The following CELF2 variants were observed in gnomAD, a reference collection of about 807,000 sequenced individuals.
The protein encoded by CELF2 is CUGBP Elav-like family member 2.
A neutral mutation model predicts 62.6 loss-of-function variants in CELF2; 8 were observed. The ratio of observed to expected loss-of-function variants is 0.13; its 90% CI spans 0.07 to 0.23. The LOEUF (loss-of-function observed/expected upper bound fraction) is 0.23, where lower values mean the gene tolerates loss of function less well. Ranked by LOEUF, CELF2 falls within the 10% of genes least tolerant of loss-of-function variation. CELF2 has a pLI of 1.00. For synonymous variants in CELF2, 258 were observed against 250.0 expected (o/e 1.03, Z -0.30); for missense variants, 333 against 671.0 (o/e 0.50, Z 5.56).
intron 1 of CELF2, among the ~76,000 whole-genome samples, chr10:10,813,813 C>T (rs552043624): frequency 2.6e-5 from 4 of 152,316 alleles, no homozygotes; most frequent in African/African-American, 9.6e-5. Context: ...GGTTTGCTAA[C>T]TCCATTGAGT....
chr10:10,651,339 C>T, the CELF2 span, among the ~76,000 whole-genome samples: 3 of 148,438 alleles, frequency 2.0e-5, no homozygotes, highest in East Asian at 1.9e-4. Context: ...AACAAAGCAG[C>T]GGGGAAGCTC....
chr10:10,548,123 A>G, the CELF2 span, among the ~76,000 whole-genome samples: 1 of 152,256 alleles, frequency 6.6e-6, no homozygotes, highest in Non-Finnish European at 1.5e-5. Context: ...TGGCTCTGGC[A>G]CTAATGAGGA....
At chr10:10,998,789 G>T (rs2054228653) in intron 2 of CELF2, among the ~76,000 whole-genome samples, 1 of 152,098 alleles carries the variant, frequency 6.6e-6, no homozygotes, top group South Asian at 2.1e-4. Flanking sequence ...TCTGATTCTT[G>T]TTCCTGGCCT....
Position 11,227,732 on chromosome 10 carries a change from T to C in CELF2, c.354+10225T>C, listed in dbSNP as rs550482891. On this transcript the variant is annotated intron_variant, in intron 3 of 12. Coordinates refer to ENST00000633077, the MANE Select transcript of CELF2 (RefSeq NM_001326342.2). The surrounding 1 kb of genome is among the most constrained non-coding windows in gnomAD (Gnocchi z 4.8). ...CATGGTGGCCTCTGGCAGCTTGGGTTAGACCAGGTGGTTATTTGCCACCTG... is the reference window on the plus strand; with the variant it reads ...CATGGTGGCCTCTGGCAGCTTGGGTCAGACCAGGTGGTTATTTGCCACCTG... Among the ~76,000 whole-genome samples, 10 of 152,348 alleles carry C rather than the reference T, an allele frequency of 6.6e-5. No individual in the cohort carries two copies. Among genetic ancestry groups the C allele is most frequent in the Admixed American group, 1.3e-4 (2 of 15,308 alleles).
the CELF2 span, among the ~76,000 whole-genome samples, chr10:10,610,506 C>T: frequency 6.6e-6 from 1 of 152,120 alleles, no homozygotes; most frequent in Non-Finnish European, 1.5e-5. Flanking sequence ...TTTGATGGTT[C>T]ATTTAAAATG....
At chr10:11,282,761 C>T (rs1296895678) in intron 8 of CELF2, among the ~76,000 whole-genome samples, 1 of 152,232 alleles carries the variant, frequency 6.6e-6, no homozygotes, top group Non-Finnish European at 1.5e-5. Context: ...GTAAGTGAGG[C>T]AGAGCCAGCT....
intron 1 of CELF2, among the ~76,000 whole-genome samples, chr10:10,813,544 G>A (rs1040278421): frequency 6.6e-6 from 1 of 152,194 alleles, no homozygotes; most frequent in African/African-American, 2.4e-5. Flanking sequence ...TGTAATGCCG[G>A]CTCTGAGACT....
chr10:10,593,682 A>G, the CELF2 span, among the ~76,000 whole-genome samples: 7 of 152,236 alleles, frequency 4.6e-5, no homozygotes, highest in Admixed American at 4.6e-4. Flanking sequence ...ACACTATTTT[A>G]GGCTTTAAAC....
intron 8 of CELF2, among the ~76,000 whole-genome samples, chr10:11,276,283 C>T (rs2086099098): frequency 6.6e-6 from 1 of 152,030 alleles, no homozygotes; most frequent in South Asian, 2.1e-4. Context: ...TCTTCCTTGG[C>T]CTGTAGTAAA....
At chr10:11,193,684 G>A (rs894535643) in intron 2 of CELF2, among the ~76,000 whole-genome samples, 1 of 152,200 alleles carries the variant, frequency 6.6e-6, no homozygotes, top group Admixed American at 6.5e-5. Context: ...CCATTGAGGG[G>A]CCAATATAGG....
chr10:11,097,054 T>C (rs1467694205), intron 1 of CELF2, among the ~76,000 whole-genome samples: 1 of 152,186 alleles, frequency 6.6e-6, no homozygotes, highest in Non-Finnish European at 1.5e-5. Flanking sequence ...TCAGAAAATG[T>C]GGCTGGAGGA....
chr10:11,173,723 G>A (rs1236980355), intron 2 of CELF2, among the ~76,000 whole-genome samples: 1 of 152,084 alleles, frequency 6.6e-6, no homozygotes, highest in African/African-American at 2.4e-5. Context: ...TCTAATATTG[G>A]GTGGGCCAAA....
At chr10:10,968,853 C>A (rs1335889913) in intron 2 of CELF2, among the ~76,000 whole-genome samples, 1 of 152,030 alleles carries the variant, frequency 6.6e-6, no homozygotes, top group Non-Finnish European at 1.5e-5. Context: ...AGTTGTTATT[C>A]ATGATGTTTA....
the CELF2 span, among the ~76,000 whole-genome samples, chr10:10,651,012 G>T: frequency 6.8e-6 from 1 of 146,454 alleles, no homozygotes; most frequent in African/African-American, 2.6e-5. Flanking sequence ...CAGTGGGTGC[G>T]CGCACCGTGC....
Position 11,217,514 on chromosome 10 carries a change from C to A in CELF2, c.354+7C>A. 1.3e-6 allele frequency: 2 copies of A among 1,594,294 alleles called. No individual in the cohort carries two copies. Among genetic ancestry groups the A allele is most frequent in the South Asian group, 1.1e-5 (1 of 89,628 alleles). On this transcript the variant is annotated splice_region_variant and intron_variant, in intron 3 of 12. Transcript: ENST00000633077. This position sits in a 1 kb window ranked among gnomAD's most constrained non-coding sequence, Gnocchi z 5.6. ...TATTAAAACTTTACCTGGGGTGAGT[C>A]GGTTTACTTTTGTACCAGAATCACT...
chr10:11,295,877 G>T (rs1347994544), intron 9 of CELF2, among the ~76,000 whole-genome samples: 1 of 152,200 alleles, frequency 6.6e-6, no homozygotes, highest in Non-Finnish European at 1.5e-5. Flanking sequence ...CCCTTGTGTG[G>T]AGGGAGTTTG....
chr10:10,806,968 C>G (rs886631706), intron 1 of CELF2, among the ~76,000 whole-genome samples: 1 of 152,148 alleles, frequency 6.6e-6, no homozygotes, highest in African/African-American at 2.4e-5. Flanking sequence ...CGGTTACCCC[C>G]CTTTTTGATC....
intron 9 of CELF2, among the ~76,000 whole-genome samples, chr10:11,294,396 C>T (rs2174024): frequency 0.98 from 149,331 of 152,310 alleles, 73,256 homozygotes; most frequent in Middle Eastern, 1. Context: ...ACTTATAAAA[C>T]ACAGGGCATT....
At chr10:10,773,481 C>G in the CELF2 span, among the ~76,000 whole-genome samples, 3 of 152,224 alleles carry the variant, frequency 2.0e-5, no homozygotes, top group Non-Finnish European at 4.4e-5. Flanking sequence ...TATATTGGCA[C>G]TGTCCTTTGA....
Sources: gnomAD v4.1 joint callset for allele counts (sites outside exome capture counted in the v4.1 genomes callset) on GRCh38, gnomAD v4.1.1 for gene constraint, Gnocchi (gnomAD v3.1) non-coding constraint, MANE v1.5 for transcripts, NCBI Gene and HGNC (gene_info 2026-07-23, HGNC 2026-07-21) for gene names.